The following CNOT2 variants were observed in gnomAD, a reference collection of about 807,000 sequenced individuals.
CNOT2 encodes CC chemokine receptor 4-negative regulator of transcription 2.
A neutral mutation model predicts 72.1 loss-of-function variants in CNOT2; 7 were observed. The ratio of observed to expected loss-of-function variants is 0.10; its 90% confidence interval spans 0.06 to 0.18. The LOEUF (loss-of-function observed/expected upper bound fraction) is 0.18. Ranked by LOEUF, CNOT2 falls within the 10% of genes least tolerant of loss-of-function variation. CNOT2 has a pLI of 1.00. For missense variants in CNOT2, 345 were observed against 660.3 expected (o/e 0.52, Z 5.23); for synonymous variants, 196 against 225.6 (o/e 0.87, Z 1.17).
intron 2 of CNOT2, among the ~76,000 whole-genome samples, chr12:70,302,427 G>A (rs1235611900): frequency 5.2e-4 from 79 of 151,142 alleles, no homozygotes; most frequent in East Asian, 1.6e-3. Context: ...CTTTGTTCTC[G>A]TTGGTTTCAA....
chr12:70,271,773 A>C (rs990579045), intron 1 of CNOT2, among the ~76,000 whole-genome samples: 11 of 152,198 alleles, frequency 7.2e-5, no homozygotes, highest in Admixed American at 7.2e-4. Flanking sequence ...AGTGTTTGCT[A>C]TGGTGAGACA....
intron 1 of CNOT2, among the ~76,000 whole-genome samples, chr12:70,262,799 G>T (rs1958842924): frequency 6.6e-6 from 1 of 151,940 alleles, no homozygotes; most frequent in African/African-American, 2.4e-5. Flanking sequence ...TCAGCCTCCA[G>T]AGTATCTGGG....
intron 14 of CNOT2, chr12:70,345,771 C>A (rs984100731): frequency 1.3e-5 from 2 of 153,518 alleles, no homozygotes; most frequent in East Asian, 1.9e-4. Flanking sequence ...GTATTTAGTT[C>A]CTTATCAAAT....
At chr12:70,287,430 C>A (rs1182558636) in intron 2 of CNOT2, among the ~76,000 whole-genome samples, 1 of 149,578 alleles carries the variant, frequency 6.7e-6, no homozygotes, top group South Asian at 2.2e-4. Context: ...TTTAATCTTA[C>A]GTTTTTAATT....
chr12:70,303,441 G>A (rs2135926941), intron 2 of CNOT2, among the ~76,000 whole-genome samples: 1 of 152,256 alleles, frequency 6.6e-6, no homozygotes, highest in Non-Finnish European at 1.5e-5. Flanking sequence ...GCATTTGCTT[G>A]TCTGTAAAGT....
chr12:70,252,062 G>C (rs1958165325), intron 1 of CNOT2, among the ~76,000 whole-genome samples: 1 of 152,118 alleles, frequency 6.6e-6, no homozygotes, highest in Admixed American at 6.5e-5. Flanking sequence ...TATAACACTT[G>C]GATATATTAG....
At chr12:70,323,241 T>C (rs556309235) in intron 4 of CNOT2, 1 of 151,886 alleles carries the variant, frequency 6.6e-6, no homozygotes, top group South Asian at 2.1e-4. Flanking sequence ...CATCTCTGCA[T>C]AGTGTACCTA....
At position 70,332,817 on chromosome 12, in the gene CNOT2, C is replaced by G. The variant is rs759939673; in HGVS notation, c.620C>G (p.Ser207Cys). Residue 207 changes from serine to cysteine, a missense_variant, in exon 7 of 16, where the codon TCC becomes TGC. Ser to Cys is a moderately radical substitution (Grantham distance 112). This residue lies in a region of CNOT2 where 7 missense variants were observed against 38.5 expected (regional missense o/e 0.18). Transcript: ENST00000229195. Reference sequence around the variant, plus strand: ...AATCAGGCATTTGGAATGAATAACTCCTTATCAAGTAACATTTTTAATGGA... The same window carrying G: ...AATCAGGCATTTGGAATGAATAACTGCTTATCAAGTAACATTTTTAATGGA... ...NRNQAFGMNN[S>C]LSSNIFNGTD... is the part of the protein sequence containing the mutation. The G allele has an allele frequency of 6.2e-7, 1 of 1,605,806 alleles. No homozygotes were observed. The highest frequency in any genetic ancestry group is 8.5e-7 in the Non-Finnish European group (1 of 1,176,082).
At chr12:70,328,647 T>A (rs1879453734) in intron 4 of CNOT2, among the ~76,000 whole-genome samples, 1 of 151,562 alleles carries the variant, frequency 6.6e-6, no homozygotes, top group Admixed American at 6.6e-5. Context: ...TATACATTTC[T>A]AAAAAAAGTT....
intron 6 of CNOT2, 109 bp downstream of exon 6, chr12:70,330,578 G>A (rs1879777605): frequency 1.7e-6 from 1 of 593,342 alleles, no homozygotes; most frequent in Admixed American, 3.0e-5. Context: ...TAATAAGTGT[G>A]TTTCATCATG....
intron 2 of CNOT2, among the ~76,000 whole-genome samples, chr12:70,281,365 G>GA (rs1444068102): frequency 2.0e-5 from 3 of 152,180 alleles, no homozygotes; most frequent in Non-Finnish European, 2.9e-5. Context: ...TTACAGGCGT[G>GA]AGCCACCGGT....
chr12:70,322,714 T>G (rs1231607097), intron 4 of CNOT2: 1 of 151,766 alleles, frequency 6.6e-6, no homozygotes, highest in Non-Finnish European at 1.5e-5. Flanking sequence ...TTCTTTGGCC[T>G]CCTGCTTTAA....
intron 1 of CNOT2, among the ~76,000 whole-genome samples, chr12:70,268,627 AT>A (rs11346962): frequency 0.14 from 20,915 of 146,100 alleles, 1,764 homozygotes; most frequent in Admixed American, 0.28. Context: ...TTTAAAAAAA[AT>A]TTTTTTTTTT....
At chr12:70,326,288 T>C (rs1158972175) in intron 4 of CNOT2, among the ~76,000 whole-genome samples, 1 of 151,794 alleles carries the variant, frequency 6.6e-6, no homozygotes, top group Non-Finnish European at 1.5e-5. Context: ...TAAGAAGGAA[T>C]TGAGAGGAAG....
intron 15 of CNOT2, among the ~76,000 whole-genome samples, chr12:70,349,559 A>G (rs573499377): frequency 1.3e-5 from 2 of 152,244 alleles, no homozygotes; most frequent in East Asian, 3.9e-4. Context: ...ATCACTTACT[A>G]TTTTCAGATA....
chr12:70,294,895 A>G (rs1003084904), intron 2 of CNOT2, among the ~76,000 whole-genome samples: 1 of 152,214 alleles, frequency 6.6e-6, no homozygotes, highest in African/African-American at 2.4e-5. Context: ...TACGTAATTC[A>G]GCAAATGTTT....
chr12:70,305,126 G>A (rs967710821), intron 2 of CNOT2, among the ~76,000 whole-genome samples: 1 of 152,222 alleles, frequency 6.6e-6, no homozygotes, highest in Non-Finnish European at 1.5e-5. Context: ...TCCCGGGTGA[G>A]GCGATGCCCC....
intron 1 of CNOT2, among the ~76,000 whole-genome samples, chr12:70,260,250 A>G (rs796427081): frequency 1.6e-4 from 24 of 152,196 alleles, no homozygotes; most frequent in African/African-American, 5.5e-4. Context: ...TTCTATTTAT[A>G]TAGTTATTTA....
In CNOT2 at chr12:70,286,017, G is replaced by A. The variant is rs1377716029; in HGVS notation, c.48+7743G>A. On this transcript the variant is annotated intron_variant, in intron 2 of 15. Transcript: ENST00000229195. ...TGAGGAGAGGAATTAAAATTGAGCAGGAAAGGGACAACAGTGACATTGGAA... is the reference window on the plus strand; with the variant it reads ...TGAGGAGAGGAATTAAAATTGAGCAAGAAAGGGACAACAGTGACATTGGAA... Among the ~76,000 whole-genome samples, 7 of 151,700 alleles carry A rather than the reference G, an allele frequency of 4.6e-5. 1 individual carries two copies. In the East Asian group the frequency reaches 9.7e-4, roughly 21 times the overall value.
Sources: allele counts gnomAD v4.1 joint callset (sites outside exome capture counted in the v4.1 genomes callset), GRCh38; gene constraint gnomAD v4.1.1; regional missense constraint gnomAD v4.1.1; transcripts MANE v1.5; gene names NCBI Gene and HGNC (gene_info 2026-07-23, HGNC 2026-07-21).